ATXN7: variants seen among roughly 807,000 people sequenced by gnomAD.
The protein encoded by ATXN7 is ataxin-7.
Under a neutral mutation model 70.5 loss-of-function variants are expected in ATXN7, and 12 were observed. That is an observed-to-expected ratio of 0.17 (90% CI 0.11 to 0.28). The LOEUF (loss-of-function observed/expected upper bound fraction) is 0.28, where lower values mean the gene tolerates loss of function less well. Among genes scored for constraint, ATXN7 ranks in the 10% least tolerant of loss-of-function variants. ATXN7 has a pLI of 1.00. For synonymous variants in ATXN7, 498 were observed against 448.7 expected, an observed-to-expected ratio of 1.11 and a Z score of -1.39; for missense variants, 1,256 against 1,131.7, an observed-to-expected ratio of 1.11 and a Z score of -1.58.
intron 5 of ATXN7, among the ~76,000 whole-genome samples, chr3:63,977,714 T>G (rs2075411712): frequency 6.6e-6 from 1 of 152,150 alleles, no homozygotes; most frequent in South Asian, 2.1e-4. Flanking sequence ...AGACGGGCAC[T>G]ACTGGTGAAG....
rs765937115 is a variant in ATXN7 at position 63,995,577 on chromosome 3, G to A, written c.1755G>A (p.Pro585=). The A allele has an allele frequency of 3.4e-5, 55 of 1,614,088 alleles. No homozygotes were observed. Among genetic ancestry groups the A allele is most frequent in the Admixed American group, 2.5e-4 (15 of 60,014 alleles). The change falls in exon 12 of 13, where the codon CCG becomes CCA. Residue 585 remains proline, a synonymous_variant. Coordinates refer to ENST00000674280, the MANE Select transcript of ATXN7 (RefSeq NM_001377405.1). The part of the protein sequence containing the change: ...TRIPHRTNSV[P]TSQCGVSYLA... Reference sequence around the variant, plus strand: ...TTCCTCACCGGACAAACTCTGTGCCGACATCACAATGTGGAGTCAGCTATC... The same window carrying A: ...TTCCTCACCGGACAAACTCTGTGCCAACATCACAATGTGGAGTCAGCTATC...
chr3:63,910,062 G>C (rs1329236159), intron 2 of ATXN7, among the ~76,000 whole-genome samples: 1 of 152,094 alleles, frequency 6.6e-6, no homozygotes, highest in Non-Finnish European at 1.5e-5. Context: ...AAGCCCGCTT[G>C]TGTTTTATTA....
chr3:63,914,093 C>G (rs1295076447), intron 4 of ATXN7, among the ~76,000 whole-genome samples: 1 of 152,086 alleles, frequency 6.6e-6, no homozygotes, highest in African/African-American at 2.4e-5. Context: ...GAGGTTTGGC[C>G]CCGGAATACT....
intron 5 of ATXN7, among the ~76,000 whole-genome samples, chr3:63,971,946 G>GTTTTT (rs981082224): frequency 2.0e-5 from 3 of 152,026 alleles, no homozygotes; most frequent in African/African-American, 7.2e-5. Flanking sequence ...TTTTGTTTTT[G>GTTTTT]TTTTATGCAG....
In ATXN7 at chr3:63,999,630, C is replaced by A; in HGVS notation, c.*163C>A. 7.7e-7 allele frequency: 1 copy of A among 1,297,016 alleles called. No individual in the cohort carries two copies. The highest frequency in any genetic ancestry group is 1.1e-6 in the Non-Finnish European group (1 of 914,994). The allele number at this position is 1,297,016 out of a possible 1,614,324, so 80.3% of individuals were successfully genotyped here. ...CGGGCTGTTGTTTTAACGAGGATTT[C>A]CCTGAAGCTATGTCTCTAGCAGTGA... On this transcript the variant is annotated 3_prime_UTR_variant, in exon 13 of 13. Transcript: ENST00000674280.
chr3:63,888,918 TA>T (rs1300014352), intron 1 of ATXN7, among the ~76,000 whole-genome samples: 4 of 152,238 alleles, frequency 2.6e-5, no homozygotes, highest in African/African-American at 9.6e-5. Context: ...GAATGTTACA[TA>T]AATATGATCT....
rs575837445 is a variant in ATXN7 at position 63,987,168 on chromosome 3, T to G, written c.1096-891T>G. Among the ~76,000 whole-genome samples, 10 of 152,348 alleles carry G rather than the reference T, an allele frequency of 6.6e-5. No homozygotes were observed. In the South Asian group the frequency reaches 1.9e-3, roughly 28 times the overall value. ...TCTTCTGTTAGCAATAGTATTAGGC[T>G]TATTTGTTTTGTTTTGTTTTAATGC... On this transcript the variant is annotated intron_variant, in intron 8 of 12. Coordinates refer to ENST00000674280, the MANE Select transcript of ATXN7 (RefSeq NM_001377405.1).
At chr3:63,912,465 T>TG in intron 2 of ATXN7, 123 bp from the exon 3 acceptor site, 3 of 522,148 alleles carry the variant, frequency 5.7e-6, no homozygotes, top group Non-Finnish European at 7.4e-6. Context: ...TGGGCGGCCA[T>TG]GGGGGCGCTG....
Position 63,995,877 on chromosome 3 carries a change from T to A in ATXN7, c.2055T>A (p.Ser685=). The change falls in exon 12 of 13, where the codon TCT becomes TCA. Residue 685 remains serine, a synonymous_variant. Transcript: ENST00000674280. ...GCAAATCTTTGAGGCCCAAGGAGTCTTCTGGTAACAGCACTAACTGTCAAA... is the reference window on the plus strand; with the variant it reads ...GCAAATCTTTGAGGCCCAAGGAGTCATCTGGTAACAGCACTAACTGTCAAA... ...KSSKSLRPKE[S]SGNSTNCQNA... is the part of the protein sequence containing the mutation. 1 of 1,614,250 alleles carries A rather than the reference T, an allele frequency of 6.2e-7. No individual in the cohort carries two copies. Among genetic ancestry groups the A allele is most frequent in the Non-Finnish European group, 8.5e-7 (1 of 1,180,046 alleles).
chr3:63,907,456 CTTTTTT>C (rs946462374), intron 2 of ATXN7, among the ~76,000 whole-genome samples: 1 of 116,634 alleles, frequency 8.6e-6, no homozygotes, highest in Non-Finnish European at 1.8e-5. Flanking sequence ...CATTCCTTGT[CTTTTTT>C]TTTTTTTTTT....
intron 4 of ATXN7, among the ~76,000 whole-genome samples, chr3:63,932,699 A>G (rs936788553): frequency 6.6e-6 from 1 of 152,030 alleles, no homozygotes; most frequent in Non-Finnish European, 1.5e-5. Context: ...TTCCCAGACA[A>G]TTTCCCTCTG....
chr3:63,952,630 C>CT (rs1466277603), intron 5 of ATXN7, 147 bp downstream of exon 5: 19 of 442,130 alleles, frequency 4.3e-5, no homozygotes, highest in African/African-American at 3.2e-4. Flanking sequence ...GGGTTAATAA[C>CT]TATCAGATGT....
chr3:63,865,610 G>A (rs1702391629), intron 1 of ATXN7, among the ~76,000 whole-genome samples: 1 of 152,032 alleles, frequency 6.6e-6, no homozygotes, highest in East Asian at 1.9e-4. Context: ...AGTAATTGTC[G>A]GCCGGGCGCG....
intron 1 of ATXN7, among the ~76,000 whole-genome samples, chr3:63,888,615 A>G (rs1703159062): frequency 6.6e-6 from 1 of 152,102 alleles, no homozygotes; most frequent in Non-Finnish European, 1.5e-5. Context: ...TGTCTCTACT[A>G]AAAATACAAA....
intron 5 of ATXN7, among the ~76,000 whole-genome samples, chr3:63,972,825 T>TA (rs2075334266): frequency 6.6e-6 from 1 of 152,366 alleles, no homozygotes; most frequent in South Asian, 2.1e-4. Flanking sequence ...CTGGAGAAGA[T>TA]AACTTACAGT....
At chr3:63,946,605 T>C (rs968430785) in intron 4 of ATXN7, among the ~76,000 whole-genome samples, 3 of 147,118 alleles carry the variant, frequency 2.0e-5, no homozygotes, top group Non-Finnish European at 4.4e-5. Flanking sequence ...ATTGTGCCAC[T>C]GCACTCCAGC....
intron 11 of ATXN7, among the ~76,000 whole-genome samples, chr3:63,993,778 C>A (rs981236836): frequency 1.3e-5 from 2 of 152,132 alleles, no homozygotes; most frequent in Middle Eastern, 3.2e-3. Context: ...GGTCTTTAGG[C>A]CCTGGCTTCC....
chr3:63,990,254 C>T lies in ATXN7; in HGVS notation c.1440C>T (p.Pro480=), dbSNP rs1158363100. 1 of 1,614,086 alleles carries T rather than the reference C, an allele frequency of 6.2e-7. No individual in the cohort carries two copies. The highest frequency in any genetic ancestry group is 1.7e-5 in the Admixed American group (1 of 60,016). The change falls in exon 10 of 13, where the codon CCC becomes CCT. Residue 480 remains proline, a synonymous_variant. Coordinates refer to ENST00000674280, the MANE Select transcript of ATXN7 (RefSeq NM_001377405.1). ...CAGTCCATGAATCTCCACACCCTCC[C>T]CTGCCTGCCACTGAGCCAGCTTCTC... The part of the protein sequence containing the change: ...PPPVHESPHP[P]LPATEPASRL...
rs1200047188 is a variant in ATXN7, at chr3:64,001,155, AATT to A, written c.*1692_*1694del. The A allele has an allele frequency of 2.0e-5, 3 of 152,190 alleles. No homozygotes were observed. The highest frequency in any genetic ancestry group is 7.2e-5 in the African/African-American group (3 of 41,442). 9.4% of individuals were successfully genotyped at this position (152,190 alleles called of 1,614,324 possible). Reference sequence around the variant, plus strand: ...AGCCTAATAATGTGAATTGCTACAGAATTATTCTTATTATGTAAGAAAACAAAA... The same window carrying A: ...AGCCTAATAATGTGAATTGCTACAGAATTCTTATTATGTAAGAAAACAAAA... On this transcript the variant is annotated 3_prime_UTR_variant, in exon 13 of 13. Coordinates refer to ENST00000674280, the MANE Select transcript of ATXN7 (RefSeq NM_001377405.1).
Sources: gnomAD v4.1 joint callset for allele counts (sites outside exome capture counted in the v4.1 genomes callset) on GRCh38, gnomAD v4.1.1 for gene constraint, MANE v1.5 for transcripts, NCBI Gene and HGNC (gene_info 2026-07-23, HGNC 2026-07-21) for gene names.